The following GTF2IRD1 variants were observed in gnomAD, a reference collection of about 807,000 sequenced individuals.
GTF2IRD1 encodes general transcription factor II-I repeat domain-containing protein 1.
Under a neutral mutation model 113.2 loss-of-function variants are expected in GTF2IRD1, and 26 were observed. That is an observed-to-expected ratio of 0.23 (90% CI 0.17 to 0.32). The LOEUF (loss-of-function observed/expected upper bound fraction) is 0.32. GTF2IRD1 is among the 10% of genes least tolerant of loss of function. GTF2IRD1 has a pLI of 1.00. For synonymous variants in GTF2IRD1, 484 were observed against 529.1 expected, an observed-to-expected ratio of 0.91 and a Z score of 1.17; for missense variants, 864 against 1,280.8, an observed-to-expected ratio of 0.67 and a Z score of 4.97.
intron 22 of GTF2IRD1, among the ~76,000 whole-genome samples, chr7:74,581,350 C>T (rs1360543898): frequency 4.6e-5 from 7 of 152,166 alleles, no homozygotes; most frequent in African/African-American, 1.4e-4. Flanking sequence ...ATGAGGACAT[C>T]GAGTGGTTCA....
chr7:74,484,037 T>C (rs1274676322), intron 1 of GTF2IRD1, among the ~76,000 whole-genome samples: 1 of 152,148 alleles, frequency 6.6e-6, no homozygotes, highest in Non-Finnish European at 1.5e-5. Flanking sequence ...CCTTGATAAG[T>C]GGGCAGCTTC....
intron 1 of GTF2IRD1, among the ~76,000 whole-genome samples, chr7:74,469,691 G>A (rs1316727015): frequency 1.3e-5 from 2 of 152,010 alleles, no homozygotes; most frequent in Admixed American, 6.6e-5. Context: ...CATATGGGGT[G>A]TTTCTACTTT....
At chr7:74,589,816 G>A in intron 22 of GTF2IRD1, 35 bp from the exon 23 acceptor site, 1 of 1,383,780 alleles carries the variant, frequency 7.2e-7, no homozygotes, top group Non-Finnish European at 1.0e-6. Context: ...CTAAGCTGGT[G>A]CCAACTCTCA....
chr7:74,553,675 G>A (rs1262321437), intron 17 of GTF2IRD1, among the ~76,000 whole-genome samples: 3 of 152,188 alleles, frequency 2.0e-5, no homozygotes, highest in East Asian at 1.9e-4. Context: ...GGGAGAGGCC[G>A]TCTGGTGGGT....
intron 25 of GTF2IRD1, among the ~76,000 whole-genome samples, chr7:74,595,692 GGCCT>G (rs1401022917): frequency 2.6e-5 from 4 of 152,178 alleles, no homozygotes; most frequent in African/African-American, 4.8e-5. Flanking sequence ...ATCCCCAAGA[GGCCT>G]CCAGAAACCT....
At chr7:74,492,026 C>A (rs180698242) in intron 1 of GTF2IRD1, among the ~76,000 whole-genome samples, 1 of 152,202 alleles carries the variant, frequency 6.6e-6, no homozygotes, top group African/African-American at 2.4e-5. Flanking sequence ...TGTTTTGAGA[C>A]GGAGTCTTAC....
chr7:74,583,608 C>T (rs1174658877), intron 22 of GTF2IRD1, among the ~76,000 whole-genome samples: 6 of 151,962 alleles, frequency 3.9e-5, no homozygotes, highest in Admixed American at 2.6e-4. Context: ...GCCCCACTTT[C>T]CTGACATGCA....
intron 9 of GTF2IRD1, among the ~76,000 whole-genome samples, chr7:74,530,834 C>G (rs1193252682): frequency 6.6e-6 from 1 of 152,142 alleles, no homozygotes; most frequent in Non-Finnish European, 1.5e-5. Context: ...AGTTACTTAA[C>G]CACTCTGTGC....
At position 74,554,528 on chromosome 7, in the gene GTF2IRD1, C is replaced by T. The variant is rs587609462; in HGVS notation, c.1917-646C>T. ...GGAGTTCTTGCTTCGTAGTGGGCCC[C>T]GACTGTTTCTACTCTTTTCTTTCAT... On this transcript the variant is annotated intron_variant, in intron 17 of 26. Transcript: ENST00000424337. Among the ~76,000 whole-genome samples, 127 of 152,148 alleles carry T rather than the reference C, an allele frequency of 8.3e-4. 1 individual carries two copies. Among genetic ancestry groups the T allele is most frequent in the Middle Eastern group, 6.8e-3 (2 of 294 alleles).
chr7:74,455,978 A>G (rs782817337), intron 1 of GTF2IRD1, among the ~76,000 whole-genome samples: 2 of 152,178 alleles, frequency 1.3e-5, no homozygotes, highest in Non-Finnish European at 2.9e-5. Flanking sequence ...GGCACGCTAA[A>G]CCTACTTAAA....
In GTF2IRD1 at chr7:74,484,834, G is replaced by A. The variant is rs183173419; in HGVS notation, c.-6-23241G>A. On this transcript the variant is annotated intron_variant, in intron 1 of 26. Coordinates refer to ENST00000424337, the MANE Select transcript of GTF2IRD1 (RefSeq NM_005685.4). ...GTTTTTTATCCATTCATCATCGGACGCTGGGACGGTTTCTGCCTTTTGGCT... is the reference window on the plus strand; with the variant it reads ...GTTTTTTATCCATTCATCATCGGACACTGGGACGGTTTCTGCCTTTTGGCT... 4.1e-4 allele frequency among the ~76,000 whole-genome samples: 62 copies of A among 152,222 alleles called. 2 individuals are homozygous for A. Among genetic ancestry groups the A allele is most frequent in the Middle Eastern group, 6.8e-3 (2 of 294 alleles).
intron 1 of GTF2IRD1, among the ~76,000 whole-genome samples, chr7:74,493,276 A>AT (rs1267764029): frequency 8.0e-5 from 12 of 149,366 alleles, no homozygotes; most frequent in African/African-American, 2.5e-4. Context: ...CACCCAGCTA[A>AT]TTTTTTTTTA....
At chr7:74,500,522 G>GA (rs1221627452) in intron 1 of GTF2IRD1, among the ~76,000 whole-genome samples, 2 of 152,012 alleles carry the variant, frequency 1.3e-5, no homozygotes, top group Admixed American at 6.6e-5. Flanking sequence ...AGCCAGTGCA[G>GA]ACAAGTGACC....
intron 1 of GTF2IRD1, among the ~76,000 whole-genome samples, chr7:74,492,792 C>T (rs1445551171): frequency 6.6e-6 from 1 of 151,970 alleles, no homozygotes; most frequent in Non-Finnish European, 1.5e-5. Context: ...TGTTCCTGGC[C>T]TCTTCTAGCT....
intron 2 of GTF2IRD1, among the ~76,000 whole-genome samples, chr7:74,509,608 A>C (rs782515659): frequency 2.6e-5 from 4 of 152,206 alleles, no homozygotes; most frequent in Non-Finnish European, 4.4e-5. Context: ...GCATTTTAGG[A>C]TGATGAAGCA....
At position 74,539,770 on chromosome 7, in the gene GTF2IRD1, AG is replaced by A. The variant is rs1166270643; in HGVS notation, c.1529-108del. 5.3e-5 allele frequency: 37 copies of A among 698,306 alleles called. No homozygotes were observed. In the East Asian group the frequency reaches 9.9e-4, roughly 19 times the overall value. 43.3% of individuals were successfully genotyped at this position (698,306 alleles called of 1,614,324 possible). On this transcript the variant is annotated intron_variant, in intron 13 of 26. Coordinates refer to ENST00000424337, the MANE Select transcript of GTF2IRD1 (RefSeq NM_005685.4). ...AACCAAAAAAAAAAAAGAGACAGAAAGAAAAGGACCCTTGTCTGTGGGGAGA... is the reference window on the plus strand; with the variant it reads ...AACCAAAAAAAAAAAAGAGACAGAAAAAAAGGACCCTTGTCTGTGGGGAGA...
At chr7:74,538,552 G>A in intron 12 of GTF2IRD1, 128 bp from the exon 13 acceptor site, 9 of 779,716 alleles carry the variant, frequency 1.2e-5, no homozygotes, top group Non-Finnish European at 1.4e-5. Flanking sequence ...GAGCCAGGGG[G>A]CTGACATGAC....
At chr7:74,493,534 C>T (rs9638335) in intron 1 of GTF2IRD1, among the ~76,000 whole-genome samples, 1 of 152,154 alleles carries the variant, frequency 6.6e-6, no homozygotes, top group Non-Finnish European at 1.5e-5. Context: ...TAAGGTAACA[C>T]AGGCTCTGGG....
At chr7:74,539,581 TA>T (rs1464917297) in intron 13 of GTF2IRD1, among the ~76,000 whole-genome samples, 1 of 151,892 alleles carries the variant, frequency 6.6e-6, no homozygotes, top group African/African-American at 2.4e-5. Flanking sequence ...CCATCTCTAC[TA>T]AAAATACAAA....
Sources: gnomAD v4.1 joint callset for allele counts (sites outside exome capture counted in the v4.1 genomes callset) on GRCh38, gnomAD v4.1.1 for gene constraint, MANE v1.5 for transcripts, NCBI Gene and HGNC (gene_info 2026-07-23, HGNC 2026-07-21) for gene names.